The following TMEM45B variants were observed in gnomAD, a reference collection of about 807,000 sequenced individuals.
TMEM45B encodes the protein transmembrane protein 45B.
TMEM45B carries 29 observed loss-of-function variants against 27.3 expected under a neutral mutation model. The observed-to-expected ratio is 1.06, with a 90% CI of 0.79 to 1.45. The LOEUF is 1.45. Among genes scored for constraint, TMEM45B ranks in the 40% most tolerant of loss-of-function variants. TMEM45B has a pLI of 0.00. For missense variants in TMEM45B, 348 were observed against 343.9 expected, an observed-to-expected ratio of 1.01 and a Z score of -0.09; for synonymous variants, 143 against 134.7, an observed-to-expected ratio of 1.06 and a Z score of -0.43.
chr11:129,836,123 T>TA lies in TMEM45B; in HGVS notation c.-8-16339dup, dbSNP rs879428065. On this transcript the variant is annotated intron_variant, in intron 1 of 5. Transcript: ENST00000281441. ...ACAAGGGTGAAACTCCATTTCAAAT[T>TA]AAAAAAAAAAAAATTGAACGGAATT... is the stretch of plus-strand genomic sequence containing the variant. Among the ~76,000 whole-genome samples the TA allele has an allele frequency of 1.5e-3, 216 of 146,674 alleles. 2 individuals carry two copies. Among genetic ancestry groups the TA allele is most frequent in the Admixed American group, 3.7e-3 (55 of 14,734 alleles).
At position 129,852,561 on chromosome 11, in the gene TMEM45B, C is replaced by T. The variant is rs1352224299; in HGVS notation, c.79C>T (p.Leu27=). The change falls in exon 2 of 6, where the codon CTG becomes TTG. Residue 27 remains leucine (L), a synonymous_variant. Transcript: ENST00000281441. ...IGLCWSVKYP[L]KYFSHTRKNS... is the part of the protein sequence containing the mutation. The stretch of plus-strand genomic sequence containing the variant: ...GCTGTGTTGGTCAGTGAAGTACCCG[C>T]TGAAGTACTTTAGCCACACGCGGAA... 1 of 1,613,942 alleles carries T rather than the reference C, an allele frequency of 6.2e-7. No individual in the cohort carries two copies. Among genetic ancestry groups the T allele is most frequent in the Non-Finnish European group, 8.5e-7 (1 of 1,179,858 alleles).
At chr11:129,851,514 A>G (rs1448709396) in intron 1 of TMEM45B, among the ~76,000 whole-genome samples, 6 of 123,450 alleles carry the variant, frequency 4.9e-5, no homozygotes, top group Non-Finnish European at 1.0e-4. Flanking sequence ...ACTGCACTCC[A>G]GCCTGGGTGA....
rs903879125 is a variant in TMEM45B, at chr11:129,859,595, C to A, written c.*910C>A. 1 of 152,068 alleles carries A rather than the reference C, an allele frequency of 6.6e-6. No homozygotes were observed. The highest frequency in any genetic ancestry group is 1.5e-5 in the Non-Finnish European group (1 of 68,030). The allele number at this position is 152,068 out of a possible 1,614,324, so 9.4% of individuals were successfully genotyped here. ...TAGCACTTTGGGAGGCCGAGGCAGG[C>A]AGATCACGGGGTCAGGAGATCAAGA... On this transcript the variant is annotated 3_prime_UTR_variant, in exon 6 of 6. Transcript: ENST00000281441.
chr11:129,818,385 T>G (rs1947377696), intron 1 of TMEM45B, among the ~76,000 whole-genome samples: 1 of 152,230 alleles, frequency 6.6e-6, no homozygotes, highest in African/African-American at 2.4e-5. Context: ...GACTTAGATA[T>G]CATAAGCCAT....
chr11:129,823,625 T>C (rs1213412716), intron 1 of TMEM45B, among the ~76,000 whole-genome samples: 2 of 152,198 alleles, frequency 1.3e-5, no homozygotes, highest in African/African-American at 4.8e-5. Context: ...TGTTAAATCT[T>C]TTTATGTCAC....
intron 1 of TMEM45B, chr11:129,828,316 G>C (rs914746964): frequency 6.6e-6 from 1 of 152,172 alleles, no homozygotes; most frequent in African/African-American, 2.4e-5. Context: ...GCCAGAACAA[G>C]CTTCAGACTC....
rs143570030 is a variant in TMEM45B, at chr11:129,827,568, C to T, written c.-9+11670C>T. ...CCTATAATCCCAGCACTTTGGGAGG[C>T]GGAGGCAGGCAGATCACGTGAGGTC... On this transcript the variant is annotated intron_variant, in intron 1 of 5. Coordinates refer to ENST00000281441, the MANE Select transcript of TMEM45B (RefSeq NM_138788.5). Among the ~76,000 whole-genome samples the T allele has an allele frequency of 1.2e-3, 177 of 152,228 alleles. 1 individual carries two copies. In the East Asian group the frequency reaches 0.029, roughly 25 times the overall value.
chr11:129,852,770 GCAA>G, intron 2 of TMEM45B, 110 bp downstream of exon 2: 4 of 1,213,364 alleles, frequency 3.3e-6, no homozygotes, highest in Non-Finnish European at 4.6e-6. Flanking sequence ...AGATAATAGG[GCAA>G]CAATTTCCTG....
chr11:129,857,283 C>T, intron 4 of TMEM45B, 30 bp from the exon 5 acceptor site: 1 of 1,609,220 alleles, frequency 6.2e-7, no homozygotes, highest in South Asian at 1.1e-5. Flanking sequence ...CGACCAACCA[C>T]AAGACCAACT....
chr11:129,819,880 A>AATG (rs1947397586), intron 1 of TMEM45B, among the ~76,000 whole-genome samples: 1 of 152,036 alleles, frequency 6.6e-6, no homozygotes, highest in African/African-American at 2.4e-5. Context: ...AAATAATAAT[A>AATG]ATAACAGCTT....
chr11:129,840,946 T>TAAAAAAA (rs55905045), intron 1 of TMEM45B, among the ~76,000 whole-genome samples: 1 of 29,274 alleles, frequency 3.4e-5, no homozygotes, highest in African/African-American at 1.1e-4. Context: ...TTTCTTTCTG[T>TAAAAAAA]AAAAAAAAAA....
chr11:129,852,806 G>T, intron 2 of TMEM45B, 146 bp downstream of exon 2: 1 of 788,886 alleles, frequency 1.3e-6, no homozygotes, highest in Non-Finnish European at 2.0e-6. Context: ...CTATTTTATC[G>T]TAACATCCAT....
chr11:129,837,266 G>C (rs895765326), intron 1 of TMEM45B, among the ~76,000 whole-genome samples: 2 of 151,626 alleles, frequency 1.3e-5, no homozygotes, highest in African/African-American at 4.8e-5. Context: ...GAAGACTGGT[G>C]AGAGTGAGGG....
At chr11:129,842,738 GTTGAT>G (rs1947711021) in intron 1 of TMEM45B, among the ~76,000 whole-genome samples, 1 of 152,166 alleles carries the variant, frequency 6.6e-6, no homozygotes, top group South Asian at 2.1e-4. Flanking sequence ...TGGTGCTAGC[GTTGAT>G]TTCTTTTTTG....
At position 129,854,714 on chromosome 11, in the gene TMEM45B, T is replaced by C; in HGVS notation, c.283T>C (p.Phe95Leu). ...MNWQHSTMYL[F>L]FAVSGIVDML... ...TTGGCAGCACAGCACCATGTACCTATTCTTTGCAGTCTCAGGAATTGTTGA... is the reference window on the plus strand; with the variant it reads ...TTGGCAGCACAGCACCATGTACCTACTCTTTGCAGTCTCAGGAATTGTTGA... Residue 95 changes from phenylalanine to leucine, a missense_variant, in exon 3 of 6, where the codon TTC becomes CTC. By Grantham distance (22) the Phe-to-Leu change is conservative. Transcript: ENST00000281441. 1 of 1,614,258 alleles carries C rather than the reference T, an allele frequency of 6.2e-7. No homozygotes were observed. Among genetic ancestry groups the C allele is most frequent in the Non-Finnish European group, 8.5e-7 (1 of 1,180,048 alleles).
intron 1 of TMEM45B, among the ~76,000 whole-genome samples, chr11:129,826,473 C>CG: frequency 7.0e-6 from 1 of 142,624 alleles, no homozygotes; most frequent in African/African-American, 2.6e-5. Flanking sequence ...GGTGTGAACC[C>CG]GGGAGGCAGA....
chr11:129,842,932 C>T (rs1411007804), intron 1 of TMEM45B, among the ~76,000 whole-genome samples: 1 of 152,168 alleles, frequency 6.6e-6, no homozygotes, highest in East Asian at 1.9e-4. Context: ...ATACAAGAAA[C>T]TCTTACTACT....
intron 1 of TMEM45B, among the ~76,000 whole-genome samples, chr11:129,835,885 A>G (rs1430116701): frequency 6.6e-6 from 1 of 152,234 alleles, no homozygotes; most frequent in Non-Finnish European, 1.5e-5. Context: ...TGGGAAGCTG[A>G]GGCAGGTGGA....
At chr11:129,839,344 G>A (rs926609411) in intron 1 of TMEM45B, among the ~76,000 whole-genome samples, 27 of 152,222 alleles carry the variant, frequency 1.8e-4, no homozygotes, top group African/African-American at 6.0e-4. Context: ...ATCCCTGGCC[G>A]AGTGGAAAAG....
Sources: gnomAD v4.1 joint callset for allele counts (sites outside exome capture counted in the v4.1 genomes callset) on GRCh38, gnomAD v4.1.1 for gene constraint, MANE v1.5 for transcripts, NCBI Gene and HGNC (gene_info 2026-07-23, HGNC 2026-07-21) for gene names.